PER3: variants seen among roughly 807,000 people sequenced by gnomAD.
PER3 encodes the protein period circadian regulator 3, also known as period circadian protein homolog 3.
A neutral mutation model predicts 127.2 loss-of-function variants in PER3; 107 were observed. That is an observed-to-expected ratio of 0.84 (90% CI 0.72 to 0.99). PER3 has a LOEUF of 0.99. Ranked by LOEUF, PER3 falls within the 50% of genes least tolerant of loss-of-function variation. The pLI, the probability that PER3 is intolerant of heterozygous loss-of-function variation, is 0.00. For missense variants in PER3, 1,560 were observed against 1,525.8 expected (o/e 1.02, Z -0.37); for synonymous variants, 618 against 585.8 (o/e 1.05, Z -0.79).
intron 4 of PER3, chr1:7,787,104 T>C: frequency 2.8e-6 from 1 of 361,716 alleles, no homozygotes; most frequent in South Asian, 5.4e-5. Context: ...CAAGCTCTCT[T>C]GAATTAAGAG....
intron 19 of PER3, among the ~76,000 whole-genome samples, chr1:7,832,668 C>T (rs938485775): frequency 7.2e-5 from 11 of 151,936 alleles, no homozygotes; most frequent in Admixed American, 3.9e-4. Flanking sequence ...CCACCGTGTC[C>T]AGCCTATGCT....
Position 7,810,601 on chromosome 1 carries a change from G to A in PER3, c.1522+13G>A. ...GCGAATGGTGGTGGTGAGTCAGCCG[G>A]CAGCCCCAAGGATCTCCTTCCATGG... is the stretch of plus-strand genomic sequence containing the variant. On this transcript the variant is annotated intron_variant, in intron 13 of 21. Coordinates refer to ENST00000377532, the MANE Select transcript of PER3 (RefSeq NM_001377275.1). 1 of 1,600,524 alleles carries A rather than the reference G, an allele frequency of 6.2e-7. No individual in the cohort carries two copies. Among genetic ancestry groups the A allele is most frequent in the South Asian group, 1.1e-5 (1 of 88,628 alleles).
At chr1:7,810,241 A>G (rs2097213457) in intron 12 of PER3, 197 bp from the exon 13 acceptor site, 3 of 624,964 alleles carry the variant, frequency 4.8e-6, no homozygotes, top group East Asian at 2.8e-5. Context: ...AAAAATTAGC[A>G]TATTGTGAAC....
At chr1:7,797,019 T>G (rs1257367338) in intron 6 of PER3, among the ~76,000 whole-genome samples, 5 of 152,170 alleles carry the variant, frequency 3.3e-5, no homozygotes, top group Non-Finnish European at 7.3e-5. Flanking sequence ...AAGTTAAGTT[T>G]GTGATACCTG....
rs1181620466 is a variant in PER3, at chr1:7,801,196, G to A, written c.872+5G>A. The A allele has an allele frequency of 6.6e-7, 1 of 1,507,418 alleles. No individual in the cohort carries two copies. Among genetic ancestry groups the A allele is most frequent in the South Asian group, 1.2e-5 (1 of 84,580 alleles). The allele number at this position is 1,507,418 out of a possible 1,614,324, so 93.4% of individuals were successfully genotyped here. On this transcript the variant is annotated splice_donor_5th_base_variant and intron_variant, in intron 8 of 21. Transcript: ENST00000377532. ...TTTTCTTGAAGTAGATGAAAAGTAAGTACTTCTTTAAGCCTAAAAGAAATT... is the reference window on the plus strand; with the variant it reads ...TTTTCTTGAAGTAGATGAAAAGTAAATACTTCTTTAAGCCTAAAAGAAATT...
intron 18 of PER3, 31 bp downstream of exon 18, chr1:7,827,846 GAGAAAGTGAA>G (rs1483834529): frequency 6.6e-7 from 1 of 1,512,944 alleles, no homozygotes; most frequent in Non-Finnish European, 9.1e-7. Context: ...ACACTCAAGT[GAGAAAGTGAA>G]TATCTTACTA....
chr1:7,810,176 T>C, intron 12 of PER3, 155 bp downstream of exon 12: 1 of 802,714 alleles, frequency 1.2e-6, no homozygotes, highest in South Asian at 1.9e-5. Context: ...AAAAAGTCTG[T>C]AAAAAGAAAA....
chr1:7,800,981 G>T, intron 7 of PER3, 132 bp from the exon 8 acceptor site: 1 of 657,360 alleles, frequency 1.5e-6, no homozygotes, highest in South Asian at 1.8e-5. Flanking sequence ...CTGCTTGAAG[G>T]CCAGGCCCCT....
At chr1:7,791,787 C>T (rs1406626640) in intron 5 of PER3, among the ~76,000 whole-genome samples, 1 of 152,186 alleles carries the variant, frequency 6.6e-6, no homozygotes, top group African/African-American at 2.4e-5. Context: ...AGGCCAGGAG[C>T]AAAAGTTGCC....
intron 16 of PER3, among the ~76,000 whole-genome samples, chr1:7,823,836 T>G (rs1161463830): frequency 6.6e-6 from 1 of 152,192 alleles, no homozygotes; most frequent in Non-Finnish European, 1.5e-5. Flanking sequence ...CCAGTAACTG[T>G]ATAATCCACA....
intron 16 of PER3, among the ~76,000 whole-genome samples, chr1:7,821,014 T>C (rs1434798923): frequency 6.6e-6 from 1 of 152,238 alleles, no homozygotes; most frequent in Non-Finnish European, 1.5e-5. Context: ...CACCTGCATT[T>C]CACCATCCTG....
rs376838064 is a variant in PER3 at position 7,827,139 on chromosome 1, C to T, written c.2210C>T (p.Thr737Met). The change falls in exon 18 of 22, where the codon ACG becomes ATG. Residue 737 changes from threonine to methionine, a missense_variant. By Grantham distance (81) the Thr-to-Met change is moderately conservative. Around this residue, in one of 3 missense-constraint regions of PER3, gnomAD observed 1,332 missense variants for 1,223.6 expected, o/e 1.09. Transcript: ENST00000377532. ...YFQGDSTSKQ[T>M]RSAGCRKGKH... ...CCAGGAGATTCTACTTCCAAGCAGA[C>T]GCGGTCGGCCGGCTGCAGGAAAGGG... The T allele has an allele frequency of 2.4e-5, 39 of 1,601,620 alleles. No homozygotes were observed. Among genetic ancestry groups the T allele is most frequent in the African/African-American group, 1.6e-4 (12 of 74,568 alleles).
intron 6 of PER3, among the ~76,000 whole-genome samples, chr1:7,795,108 G>T (rs535453806): frequency 1.3e-5 from 2 of 152,188 alleles, no homozygotes; most frequent in Non-Finnish European, 2.9e-5. Flanking sequence ...TGGGGGGGAC[G>T]GCCTGAGAAA....
At chr1:7,813,933 G>A (rs910130416) in intron 13 of PER3, among the ~76,000 whole-genome samples, 9 of 152,186 alleles carry the variant, frequency 5.9e-5, no homozygotes, top group Non-Finnish European at 1.2e-4. Flanking sequence ...ATGTATTAAA[G>A]GCTAGTGGAC....
chr1:7,840,714 G>T (rs912331720), intron 21 of PER3, among the ~76,000 whole-genome samples: 2 of 151,680 alleles, frequency 1.3e-5, no homozygotes, highest in African/African-American at 2.4e-5. Context: ...TCTACCTCCT[G>T]GTCCCAAGTG....
intron 10 of PER3, among the ~76,000 whole-genome samples, chr1:7,804,662 A>G (rs1333350703): frequency 6.6e-6 from 1 of 150,966 alleles, no homozygotes; most frequent in Non-Finnish European, 1.5e-5. Flanking sequence ...AGCCTCCCAG[A>G]GTGCTGGAAT....
intron 13 of PER3, among the ~76,000 whole-genome samples, chr1:7,818,397 G>C (rs751126998): frequency 6.6e-5 from 10 of 152,148 alleles, no homozygotes; most frequent in Admixed American, 6.5e-4. Flanking sequence ...AAATAGAGAA[G>C]CCTCTTCCAA....
chr1:7,839,856 G>A (rs1054020539), intron 21 of PER3, among the ~76,000 whole-genome samples: 13 of 150,478 alleles, frequency 8.6e-5, no homozygotes, highest in African/African-American at 3.1e-4. Flanking sequence ...GTGGATCTCC[G>A]AGTTCTGAGT....
chr1:7,840,217 T>C (rs1156309696), intron 21 of PER3, among the ~76,000 whole-genome samples: 1 of 152,174 alleles, frequency 6.6e-6, no homozygotes, highest in Non-Finnish European at 1.5e-5. Flanking sequence ...TGGAATTTCT[T>C]TCTGGCTTCT....
Sources: allele counts gnomAD v4.1 joint callset (sites outside exome capture counted in the v4.1 genomes callset), GRCh38; gene constraint gnomAD v4.1.1; regional missense constraint gnomAD v4.1.1; transcripts MANE v1.5; gene names NCBI Gene and HGNC (gene_info 2026-07-23, HGNC 2026-07-21).